The following ABL1 variants were observed in gnomAD, a reference collection of about 807,000 sequenced individuals.
ABL1 encodes the protein ABL proto-oncogene 1, non-receptor tyrosine kinase.
ABL1 carries 11 observed loss-of-function variants against 94.7 expected under a neutral mutation model. The observed-to-expected ratio is 0.12, with a 90% CI of 0.07 to 0.19. ABL1 has a LOEUF of 0.19. Among genes scored for constraint, ABL1 ranks in the 10% least tolerant of loss-of-function variants. ABL1 has a pLI of 1.00. For missense variants in ABL1, 1,082 were observed against 1,489.4 expected (o/e 0.73, Z 4.50); for synonymous variants, 656 against 622.4 (o/e 1.05, Z -0.80).
chr9:130,774,707 A>G (rs563554786), intron 1 of ABL1, among the ~76,000 whole-genome samples: 1 of 152,048 alleles, frequency 6.6e-6, no homozygotes, highest in Admixed American at 6.6e-5. Context: ...TTAGCCAGGC[A>G]TGGTGGCGTG....
chr9:130,837,117 T>A (rs2132919130), intron 1 of ABL1, among the ~76,000 whole-genome samples: 1 of 152,318 alleles, frequency 6.6e-6, no homozygotes, highest in East Asian at 1.9e-4. Flanking sequence ...GGGGGCTGAA[T>A]GGCCCAGAGA....
At chr9:130,755,112 T>TTA (rs1378192476) in intron 1 of ABL1, among the ~76,000 whole-genome samples, 1 of 152,160 alleles carries the variant, frequency 6.6e-6, no homozygotes, top group Non-Finnish European at 1.5e-5. Flanking sequence ...ACTTGGCACA[T>TTA]GGTAGATCTT....
rs34739380 is a variant in ABL1, at chr9:130,746,222, G to GT, written c.136+31780dup. Among the ~76,000 whole-genome samples the GT allele has an allele frequency of 2.0e-3, 298 of 146,706 alleles. No individual in the cohort carries two copies. In the South Asian group the frequency reaches 0.024, roughly 12 times the overall value. On this transcript the variant is annotated intron_variant, in intron 1 of 10. Transcript: ENST00000372348. The stretch of plus-strand genomic sequence containing the variant: ...ATTTAAAGTTTCAAGAATTTAATGC[G>GT]TTTTTTTTTTTTTAATGAATTTAAT...
At chr9:130,856,474 G>A (rs945143658) in intron 3 of ABL1, among the ~76,000 whole-genome samples, 6 of 151,704 alleles carry the variant, frequency 4.0e-5, no homozygotes, top group Non-Finnish European at 4.4e-5. Context: ...TGCCCTCCTC[G>A]GCCTCCCAAA....
At chr9:130,845,618 G>A (rs1227830189) in intron 1 of ABL1, among the ~76,000 whole-genome samples, 1 of 152,106 alleles carries the variant, frequency 6.6e-6, no homozygotes, top group Non-Finnish European at 1.5e-5. Flanking sequence ...TTGATATCAG[G>A]TGACGGTTGT....
intron 1 of ABL1, among the ~76,000 whole-genome samples, chr9:130,758,804 C>T (rs1319844030): frequency 6.6e-6 from 1 of 152,156 alleles, no homozygotes; most frequent in African/African-American, 2.4e-5. Flanking sequence ...AAGAATTGGG[C>T]CCTTCCTGTT....
chr9:130,809,917 A>C (rs35994004), intron 1 of ABL1, among the ~76,000 whole-genome samples: 2,339 of 152,366 alleles, frequency 0.015, 16 homozygotes, highest in Non-Finnish European at 0.023. Flanking sequence ...GGTCTTGCTT[A>C]GCAAAGGTTA....
intron 6 of ABL1, among the ~76,000 whole-genome samples, chr9:130,873,400 CG>C (rs1194160685): frequency 9.9e-5 from 15 of 152,238 alleles, no homozygotes; most frequent in Non-Finnish European, 1.5e-5. Flanking sequence ...ATTGTTCCTC[CG>C]GGGCCAGCGC....
chr9:130,858,946 C>T (rs1214056917), intron 3 of ABL1, among the ~76,000 whole-genome samples: 2 of 152,064 alleles, frequency 1.3e-5, no homozygotes, highest in Non-Finnish European at 2.9e-5. Flanking sequence ...GCTCGGGGCC[C>T]AGAGCTGGGG....
chr9:130,827,849 G>A (rs1447559793), intron 1 of ABL1, among the ~76,000 whole-genome samples: 2 of 151,336 alleles, frequency 1.3e-5, no homozygotes, highest in African/African-American at 4.9e-5. Flanking sequence ...AGCCAAGATT[G>A]CACCACCGCA....
intron 1 of ABL1, among the ~76,000 whole-genome samples, chr9:130,783,904 C>T (rs1829791384): frequency 6.6e-6 from 1 of 152,130 alleles, no homozygotes; most frequent in Non-Finnish European, 1.5e-5. Flanking sequence ...GATCTGCCCA[C>T]CTCGGCCTCC....
intron 1 of ABL1, among the ~76,000 whole-genome samples, chr9:130,825,758 C>T (rs1830417074): frequency 6.6e-6 from 1 of 152,196 alleles, no homozygotes; most frequent in Non-Finnish European, 1.5e-5. Context: ...AAGTTTAATT[C>T]AAGCACTTAG....
chr9:130,821,750 C>T (rs1830365311), intron 1 of ABL1, among the ~76,000 whole-genome samples: 1 of 151,276 alleles, frequency 6.6e-6, no homozygotes, highest in South Asian at 2.1e-4. Flanking sequence ...GCAACTTCCG[C>T]CTCCCTGGTT....
At chr9:130,739,063 G>C (rs530448579) in intron 1 of ABL1, among the ~76,000 whole-genome samples, 1 of 152,230 alleles carries the variant, frequency 6.6e-6, no homozygotes, top group East Asian at 1.9e-4. Flanking sequence ...GCTAATTTTT[G>C]TATTTTTTTT....
chr9:130,742,863 A>G (rs1184584230), intron 1 of ABL1, among the ~76,000 whole-genome samples: 1 of 152,040 alleles, frequency 6.6e-6, no homozygotes, highest in Non-Finnish European at 1.5e-5. Context: ...ATAATACCGT[A>G]TATTATAAAG....
Position 130,855,071 on chromosome 9 carries a change from G to T in ABL1, c.524G>T (p.Arg175Met), listed in dbSNP as rs1365550756. The T allele has an allele frequency of 6.2e-7, 1 of 1,613,816 alleles. No homozygotes were observed. Among genetic ancestry groups the T allele is most frequent in the Non-Finnish European group, 8.5e-7 (1 of 1,179,856 alleles). The change falls in exon 3 of 11, where the codon AGG becomes ATG. Residue 175 changes from arginine (R) to methionine (M), a missense_variant. Arg to Met is a moderately conservative substitution (Grantham distance 91). This residue lies in a region of ABL1 where 47 missense variants were observed against 142.2 expected (regional missense o/e 0.33). Coordinates refer to ENST00000318560, the MANE Select transcript of ABL1 (RefSeq NM_005157.6). ...TACGAAGGGAGGGTGTACCATTACA[G>T]GATCAACACTGCTTCTGATGGCAAG... is the stretch of plus-strand genomic sequence containing the variant. ...LRYEGRVYHYRINTASDGKLY... is the reference protein window; with the variant it reads ...LRYEGRVYHYMINTASDGKLY...
intron 1 of ABL1, among the ~76,000 whole-genome samples, chr9:130,720,825 C>T (rs181494327): frequency 2.2e-4 from 34 of 152,132 alleles, no homozygotes; most frequent in South Asian, 6.2e-4. Context: ...AAGATTTGCT[C>T]TCGGATTAGA....
chr9:130,837,822 C>A (rs1041240195), intron 1 of ABL1, among the ~76,000 whole-genome samples: 2 of 152,184 alleles, frequency 1.3e-5, no homozygotes, highest in African/African-American at 4.8e-5. Context: ...TCACTGACAG[C>A]CTAAATCAGT....
intron 1 of ABL1, among the ~76,000 whole-genome samples, chr9:130,843,024 A>G (rs1830700225): frequency 6.6e-6 from 1 of 152,206 alleles, no homozygotes; most frequent in Non-Finnish European, 1.5e-5. Context: ...GCTTTTATAT[A>G]GGTTTTCCTG....
Sources: allele counts gnomAD v4.1 joint callset (sites outside exome capture counted in the v4.1 genomes callset), GRCh38; gene constraint gnomAD v4.1.1; regional missense constraint gnomAD v4.1.1; transcripts MANE v1.5; gene names NCBI Gene and HGNC (gene_info 2026-07-23, HGNC 2026-07-21).